The following FBXL4 variants were observed in gnomAD, a reference collection of about 807,000 sequenced individuals.
The protein encoded by FBXL4 is F-box/LRR-repeat protein 4.
A neutral mutation model predicts 58.9 loss-of-function variants in FBXL4; 40 were observed. That is an observed-to-expected ratio of 0.68 (90% CI 0.53 to 0.88). FBXL4 has a LOEUF of 0.88. Ranked by LOEUF, FBXL4 falls within the 40% of genes least tolerant of loss-of-function variation. The pLI, the probability that FBXL4 is intolerant of heterozygous loss-of-function variation, is 0.00. For synonymous variants in FBXL4, 263 were observed against 265.5 expected (o/e 0.99, Z 0.09); for missense variants, 676 against 734.4 (o/e 0.92, Z 0.92).
At position 98,871,079 on chromosome 6, in the gene FBXL4, C is replaced by G. The variant is rs1210153350; in HGVS notation, c.*3199G>C. 1 of 138,052 alleles carries G rather than the reference C, an allele frequency of 7.2e-6. No individual in the cohort carries two copies. The highest frequency in any genetic ancestry group is 1.5e-5 in the Non-Finnish European group (1 of 65,010). The allele number at this position is 138,052 out of a possible 1,614,324, so 8.6% of individuals were successfully genotyped here. ...CCTGGGCAAAAGAATGAGACTCAGTCTCAAAAAAAAAAAAAAACAAACTCA... is the reference window on the plus strand; with the variant it reads ...CCTGGGCAAAAGAATGAGACTCAGTGTCAAAAAAAAAAAAAAACAAACTCA... On this transcript the variant is annotated 3_prime_UTR_variant, in exon 10 of 10. Transcript: ENST00000369244.
intron 5 of FBXL4, among the ~76,000 whole-genome samples, chr6:98,906,496 T>A (rs1295045076): frequency 6.6e-6 from 1 of 152,192 alleles, no homozygotes; most frequent in South Asian, 2.1e-4. Context: ...GCAAAGGACA[T>A]GAACTCATCC....
Position 98,870,336 on chromosome 6 carries a change from G to GA in FBXL4, c.*3941dup, listed in dbSNP as rs1376068115. On this transcript the variant is annotated 3_prime_UTR_variant, in exon 10 of 10. Transcript: ENST00000369244. The stretch of plus-strand genomic sequence containing the variant: ...AACAGTTTCACATTTTCTAATGGCT[G>GA]AAAAAATCTAATGGCTAACACAGTA... 9.9e-5 allele frequency: 15 copies of GA among 152,150 alleles called. No homozygotes were observed. The highest frequency in any genetic ancestry group is 1.6e-4 in the Non-Finnish European group (11 of 68,026). 9.4% of individuals were successfully genotyped at this position (152,150 alleles called of 1,614,324 possible).
chr6:98,941,315 A>G (rs564159563), intron 1 of FBXL4, among the ~76,000 whole-genome samples: 1 of 151,474 alleles, frequency 6.6e-6, no homozygotes, highest in Non-Finnish European at 1.5e-5. Flanking sequence ...GTCTGATGCA[A>G]AAACTACATA....
At chr6:98,898,046 G>C (rs1476804910) in intron 7 of FBXL4, among the ~76,000 whole-genome samples, 1 of 152,110 alleles carries the variant, frequency 6.6e-6, no homozygotes, top group Non-Finnish European at 1.5e-5. Context: ...TCATTTCAGA[G>C]AGTGACAAGG....
intron 7 of FBXL4, among the ~76,000 whole-genome samples, chr6:98,889,678 CA>C (rs34182678): frequency 0.099 from 7,164 of 72,156 alleles, 113 homozygotes; most frequent in Middle Eastern, 0.2. Flanking sequence ...CACCCTGTCT[CA>C]AAAAAAAAAA....
chr6:98,932,914 A>G (rs1455992938), intron 2 of FBXL4, among the ~76,000 whole-genome samples: 1 of 152,062 alleles, frequency 6.6e-6, no homozygotes, highest in East Asian at 1.9e-4. Flanking sequence ...GTCATAGAAA[A>G]AAAAAAAAAA....
chr6:98,923,095 A>G (rs1214504117), intron 4 of FBXL4, among the ~76,000 whole-genome samples: 2 of 152,112 alleles, frequency 1.3e-5, no homozygotes, highest in African/African-American at 4.8e-5. Context: ...TAGAAGATTG[A>G]CAGTCCCCCT....
At chr6:98,882,907 C>G (rs1488015051) in intron 7 of FBXL4, among the ~76,000 whole-genome samples, 1 of 151,902 alleles carries the variant, frequency 6.6e-6, no homozygotes, top group Non-Finnish European at 1.5e-5. Flanking sequence ...ATAAACATTC[C>G]TTTATGTGCT....
chr6:98,899,591 T>C, intron 6 of FBXL4, 110 bp from the exon 7 acceptor site: 1 of 1,249,998 alleles, frequency 8.0e-7, no homozygotes, highest in Non-Finnish European at 1.1e-6. Context: ...TAGATTTCTA[T>C]TAGGGAAAAT....
chr6:98,942,098 T>C (rs2128413289), intron 1 of FBXL4, among the ~76,000 whole-genome samples: 1 of 151,914 alleles, frequency 6.6e-6, no homozygotes, highest in Admixed American at 6.5e-5. Flanking sequence ...CTCAAACTCT[T>C]ATTCACATAG....
chr6:98,880,452 T>G, intron 8 of FBXL4, 101 bp downstream of exon 8: 1 of 874,906 alleles, frequency 1.1e-6, no homozygotes, highest in East Asian at 2.6e-5. Context: ...TCTGAAAAAC[T>G]GTGGGTGTGT....
intron 7 of FBXL4, chr6:98,898,923 C>A: frequency 1.0e-6 from 1 of 985,394 alleles, no homozygotes; most frequent in Non-Finnish European, 1.2e-6. Context: ...CCTCCCACTG[C>A]AAGCAAATGT....
chr6:98,897,837 T>A (rs1156316095), intron 7 of FBXL4, among the ~76,000 whole-genome samples: 1 of 152,166 alleles, frequency 6.6e-6, no homozygotes, highest in Admixed American at 6.5e-5. Context: ...ACTAATCCAG[T>A]CTCCCAAGTC....
At chr6:98,932,905 T>A in intron 2 of FBXL4, among the ~76,000 whole-genome samples, 1 of 138,966 alleles carries the variant, frequency 7.2e-6, no homozygotes, top group Non-Finnish European at 1.5e-5. Context: ...GTCAATGAAG[T>A]CATAGAAAAA....
intron 6 of FBXL4, among the ~76,000 whole-genome samples, chr6:98,903,628 A>C (rs566222165): frequency 6.6e-6 from 1 of 152,262 alleles, no homozygotes; most frequent in African/African-American, 2.4e-5. Flanking sequence ...AAATTTTTTA[A>C]ATGGCATGGC....
intron 5 of FBXL4, among the ~76,000 whole-genome samples, chr6:98,908,662 A>G (rs1771909635): frequency 6.6e-6 from 1 of 152,210 alleles, no homozygotes; most frequent in Non-Finnish European, 1.5e-5. Flanking sequence ...CATTGGTATC[A>G]AAACGTTTTT....
At chr6:98,876,570 C>T (rs542073193) in intron 8 of FBXL4, among the ~76,000 whole-genome samples, 134 of 152,148 alleles carry the variant, frequency 8.8e-4, no homozygotes, top group Non-Finnish European at 1.6e-3. Context: ...ATGCTAGGAC[C>T]AGCAGTAAAC....
At chr6:98,931,535 T>A (rs974661354) in intron 2 of FBXL4, among the ~76,000 whole-genome samples, 8 of 152,152 alleles carry the variant, frequency 5.3e-5, no homozygotes, top group African/African-American at 1.9e-4. Flanking sequence ...CAAAAGAAAT[T>A]TTTAAAGGAA....
Position 98,900,128 on chromosome 6 carries a change from G to A in FBXL4, c.1104-647C>T, listed in dbSNP as rs542540066. Among the ~76,000 whole-genome samples the A allele has an allele frequency of 2.6e-5, 4 of 152,280 alleles. No homozygotes were observed. The East Asian group carries it at 7.7e-4, about 29-fold the overall frequency. ...ATGAAGGTCACAAAATGCTTTATCA[G>A]AGTAGTTACCACAATATTTATGTCA... On this transcript the variant is annotated intron_variant, in intron 6 of 9. Transcript: ENST00000369244.
Sources: allele counts gnomAD v4.1 joint callset (sites outside exome capture counted in the v4.1 genomes callset), GRCh38; gene constraint gnomAD v4.1.1; transcripts MANE v1.5; gene names NCBI Gene and HGNC (gene_info 2026-07-23, HGNC 2026-07-21).